The following NFASC variants were observed in gnomAD, a reference collection of about 807,000 sequenced individuals.
NFASC encodes neurofascin, also known as neurofascin homolog.
In NFASC, 43 loss-of-function variants were observed where a neutral mutation model predicts 147.5. The observed-to-expected ratio is 0.29, with a 90% CI of 0.23 to 0.38. The LOEUF (loss-of-function observed/expected upper bound fraction) is 0.38. Ranked by LOEUF, NFASC falls within the 10% of genes least tolerant of loss-of-function variation. The pLI is 1.00. For missense variants in NFASC, 1,320 were observed against 1,689.0 expected, an observed-to-expected ratio of 0.78 and a Z score of 3.83; for synonymous variants, 622 against 665.5, an observed-to-expected ratio of 0.93 and a Z score of 1.01.
intron 5 of NFASC, among the ~76,000 whole-genome samples, chr1:204,952,912 T>G (rs2094209894): frequency 6.6e-6 from 1 of 152,170 alleles, no homozygotes; most frequent in African/African-American, 2.4e-5. Context: ...GCAGCTTTAT[T>G]CTGGCCTCCT....
intron 1 of NFASC, among the ~76,000 whole-genome samples, chr1:204,886,949 G>T (rs1173397700): frequency 1.3e-5 from 2 of 151,902 alleles, no homozygotes; most frequent in Non-Finnish European, 2.9e-5. Context: ...CACAGGAAGA[G>T]CCTGTGTTTA....
At chr1:204,980,589 G>T in intron 20 of NFASC, 149 bp downstream of exon 20, 1 of 638,002 alleles carries the variant, frequency 1.6e-6, no homozygotes, top group Non-Finnish European at 2.8e-6. Flanking sequence ...GAGAAACCAA[G>T]CTCCTCTCTG....
chr1:204,842,426 T>C (rs144794317), intron 1 of NFASC, among the ~76,000 whole-genome samples: 2 of 152,332 alleles, frequency 1.3e-5, no homozygotes, highest in East Asian at 1.9e-4. Flanking sequence ...CGCTTTTACA[T>C]TGTTGCTTTC....
chr1:204,944,849 C>T lies in NFASC; in HGVS notation c.91+443C>T, dbSNP rs16854762. On this transcript the variant is annotated intron_variant, in intron 3 of 29. Coordinates refer to ENST00000339876, the MANE Select transcript of NFASC (RefSeq NM_001005388.3). Reference sequence around the variant, plus strand: ...TATTCAAATCCACACCCTTCGGGCCCTCTTGGCTGGAGTAATCAGGAGGAC... The same window carrying T: ...TATTCAAATCCACACCCTTCGGGCCTTCTTGGCTGGAGTAATCAGGAGGAC... 120 of 159,326 alleles carry T rather than the reference C, an allele frequency of 7.5e-4. 1 individual carries two copies. Among genetic ancestry groups the T allele is most frequent in the East Asian group, 4.8e-3 (26 of 5,364 alleles). The allele number at this position is 159,326 out of a possible 1,614,324, so 9.9% of individuals were successfully genotyped here.
chr1:204,872,079 G>A (rs968033218), intron 1 of NFASC, among the ~76,000 whole-genome samples: 3 of 152,182 alleles, frequency 2.0e-5, no homozygotes, highest in African/African-American at 4.8e-5. Flanking sequence ...AGGAAGGTTC[G>A]AGGCTGCATT....
chr1:204,865,688 A>G (rs979549422), intron 1 of NFASC, among the ~76,000 whole-genome samples: 3 of 152,184 alleles, frequency 2.0e-5, no homozygotes, highest in African/African-American at 7.2e-5. Context: ...GCTTTGTAGT[A>G]TGTTTTGAAA....
chr1:204,932,227 TAAAAACA>T (rs2092424783), intron 2 of NFASC, among the ~76,000 whole-genome samples: 3 of 152,336 alleles, frequency 2.0e-5, no homozygotes, highest in African/African-American at 7.2e-5. Context: ...TAAGAAAAAG[TAAAAACA>T]GCTTTATGTT....
At chr1:204,937,385 A>G (rs72757751) in intron 2 of NFASC, among the ~76,000 whole-genome samples, 20,934 of 152,166 alleles carry the variant, frequency 0.14, 1,851 homozygotes, top group African/African-American at 0.25. Context: ...TTATATAATG[A>G]CAAGTATCTA....
intron 8 of NFASC, among the ~76,000 whole-genome samples, chr1:204,959,172 C>T (rs1308644033): frequency 6.6e-6 from 1 of 150,636 alleles, no homozygotes; most frequent in African/African-American, 2.4e-5. Context: ...TCTGTTCTGT[C>T]TTGGAACTCC....
In NFASC at chr1:204,979,455, G is replaced by T; in HGVS notation, c.2072G>T (p.Arg691Leu). ...YPGSVNSAVL[R>L]LSPYVNYQFR... ...GGCAGCGTTAACTCAGCCGTCCTCC[G>T]GCTGTCCCCGTATGTCAACTACCAG... Residue 691 changes from arginine to leucine, a missense_variant, in exon 19 of 30, where the codon CGG (arginine) becomes CTG (leucine). Arg to Leu is a moderately radical substitution (Grantham distance 102). Around this residue, in one of 3 missense-constraint regions of NFASC, gnomAD observed 981 missense variants for 1,289.5 expected, o/e 0.76. Transcript: ENST00000339876. This position sits in a 1 kb window ranked among gnomAD's most constrained non-coding sequence, Gnocchi z 6.0. 6.2e-7 allele frequency: 1 copy of T among 1,613,962 alleles called. No homozygotes were observed. The highest frequency in any genetic ancestry group is 8.5e-7 in the Non-Finnish European group (1 of 1,180,012).
chr1:204,946,681 T>C (rs1340924176), intron 3 of NFASC: 1 of 517,000 alleles, frequency 1.9e-6, no homozygotes. Context: ...GGTGGTCATG[T>C]ACGGCGAGGG....
intron 1 of NFASC, among the ~76,000 whole-genome samples, chr1:204,901,930 C>G (rs2802850): frequency 0.48 from 72,368 of 151,868 alleles, 18,486 homozygotes; most frequent in South Asian, 0.61. Flanking sequence ...GGCACCTGTG[C>G]AGGTTCTGTT....
At chr1:204,870,847 G>A (rs1318730847) in intron 1 of NFASC, 10 of 1,183,638 alleles carry the variant, frequency 8.4e-6, no homozygotes. Context: ...GAGCAGGGAA[G>A]CCAGGAATTA....
At chr1:204,991,498 C>G (rs1032268267) in intron 24 of NFASC, among the ~76,000 whole-genome samples, 192 bp downstream of exon 24, 1 of 152,236 alleles carries the variant, frequency 6.6e-6, no homozygotes, top group Non-Finnish European at 1.5e-5. Flanking sequence ...AGCAAGCCCA[C>G]TTTCCCCCCT....
intron 2 of NFASC, among the ~76,000 whole-genome samples, chr1:204,925,632 T>G (rs561569809): frequency 6.4e-4 from 97 of 152,344 alleles, no homozygotes; most frequent in Non-Finnish European, 1.1e-3. Flanking sequence ...CTGAAAGTCA[T>G]CTCTCTTTTC....
In NFASC at chr1:204,979,654, A is replaced by G. The variant is rs1293293754; in HGVS notation, c.2176+95A>G. 8 of 1,184,116 alleles carry G rather than the reference A, an allele frequency of 6.8e-6. No homozygotes were observed. Among genetic ancestry groups the G allele is most frequent in the African/African-American group, 1.5e-5 (1 of 66,320 alleles). 73.4% of individuals were successfully genotyped at this position (1,184,116 alleles called of 1,614,324 possible). On this transcript the variant is annotated intron_variant, in intron 19 of 29. Coordinates refer to ENST00000339876, the MANE Select transcript of NFASC (RefSeq NM_001005388.3). The surrounding 1 kb of genome is among the most constrained non-coding windows in gnomAD (Gnocchi z 6.0). ...ATTCCCAGCCATGTGAACTTAGGTT[A>G]CTTAACTTCTCCAAGGCCCGGCCTC...
intron 21 of NFASC, among the ~76,000 whole-genome samples, chr1:204,983,774 C>T (rs2095553227): frequency 6.6e-6 from 1 of 152,192 alleles, no homozygotes; most frequent in South Asian, 2.1e-4. Context: ...ATGGAAACTA[C>T]CCAGCACAGG....
Position 205,016,759 on chromosome 1 carries a change from T to C in NFASC, c.*220T>C. 1 of 613,720 alleles carries C rather than the reference T, an allele frequency of 1.6e-6. No individual in the cohort carries two copies. The highest frequency in any genetic ancestry group is 3.0e-5 in the East Asian group (1 of 32,998). 38.0% of individuals were successfully genotyped at this position (613,720 alleles called of 1,614,324 possible). A position where few individuals can be genotyped will look rare whatever the true frequency, so the allele number is the denominator to read the frequency against. On this transcript the variant is annotated 3_prime_UTR_variant, in exon 30 of 30. Transcript: ENST00000339876. The surrounding 1 kb of genome is among the most constrained non-coding windows in gnomAD (Gnocchi z 5.1). ...CCGGGTGCCACCAGTGTGGGAGAGC[T>C]GGAGCCGTGGCTGAGCTCAGCTGGA... is the stretch of plus-strand genomic sequence containing the variant.
intron 1 of NFASC, among the ~76,000 whole-genome samples, chr1:204,865,695 G>A (rs1314139249): frequency 6.6e-6 from 1 of 152,140 alleles, no homozygotes; most frequent in African/African-American, 2.4e-5. Flanking sequence ...AGTATGTTTT[G>A]AAATCAGGAA....
Sources: allele counts gnomAD v4.1 joint callset (sites outside exome capture counted in the v4.1 genomes callset), GRCh38; gene constraint gnomAD v4.1.1; regional missense constraint gnomAD v4.1.1; non-coding constraint Gnocchi (gnomAD v3.1); transcripts MANE v1.5; gene names NCBI Gene and HGNC (gene_info 2026-07-23, HGNC 2026-07-21).